Variants in HIRA observed in about 807,000 individuals in gnomAD.
HIRA encodes the protein histone cell cycle regulator.
A neutral mutation model predicts 126.6 loss-of-function variants in HIRA; 13 were observed. The ratio of observed to expected loss-of-function variants is 0.10; its 90% CI spans 0.07 to 0.16. The LOEUF (loss-of-function observed/expected upper bound fraction) is 0.16. HIRA is among the 10% of genes least tolerant of loss of function. HIRA has a pLI of 1.00. For synonymous variants in HIRA, 511 were observed against 520.0 expected (o/e 0.98, Z 0.24); for missense variants, 834 against 1,314.4 (o/e 0.63, Z 5.65).
At chr22:19,414,489 T>G (rs1257336885) in intron 1 of HIRA, among the ~76,000 whole-genome samples, 1 of 152,148 alleles carries the variant, frequency 6.6e-6, no homozygotes, top group African/African-American at 2.4e-5. Flanking sequence ...CCAAAAAGTC[T>G]CTGGGCTTTT....
chr22:19,410,654 G>A (rs1450367318), intron 2 of HIRA, 62 bp downstream of exon 2: 2 of 1,201,390 alleles, frequency 1.7e-6, no homozygotes, highest in African/African-American at 3.0e-5. Flanking sequence ...TAAATGGACA[G>A]CAGGAGAAGA....
At chr22:19,386,952 C>T (rs531163099) in intron 11 of HIRA, among the ~76,000 whole-genome samples, 8 of 152,344 alleles carry the variant, frequency 5.3e-5, no homozygotes, top group Non-Finnish European at 8.8e-5. Flanking sequence ...GAAGCTTCCA[C>T]CAGCAAATAA....
chr22:19,389,179 G>T (rs2089154728), intron 9 of HIRA, among the ~76,000 whole-genome samples: 1 of 152,114 alleles, frequency 6.6e-6, no homozygotes, highest in South Asian at 2.1e-4. Flanking sequence ...ATTCTTCATA[G>T]TTGTGTCTGT....
intron 5 of HIRA, chr22:19,399,185 G>A (rs1289888476): frequency 3.1e-6 from 3 of 983,566 alleles, no homozygotes; most frequent in Non-Finnish European, 3.6e-6. Context: ...TCAGCGCCTG[G>A]TGCAGTGCTA....
At chr22:19,355,032 C>T (rs957097645) in intron 21 of HIRA, among the ~76,000 whole-genome samples, 7 of 152,002 alleles carry the variant, frequency 4.6e-5, no homozygotes, top group African/African-American at 1.2e-4. Flanking sequence ...CCTCCCACAG[C>T]GCTGGGATTA....
intron 8 of HIRA, 143 bp downstream of exon 8, chr22:19,394,199 G>T: frequency 1.0e-6 from 1 of 983,158 alleles, no homozygotes; most frequent in Non-Finnish European, 1.5e-6. Context: ...CACATGTAAA[G>T]TTTGCCAATA....
At chr22:19,331,602 C>T in intron 24 of HIRA, 46 bp from the exon 25 acceptor site, 1 of 1,528,360 alleles carries the variant, frequency 6.5e-7, no homozygotes, top group Non-Finnish European at 8.8e-7. Flanking sequence ...AGTGAAGAGA[C>T]CTAGATTGTG....
rs782096962 is a variant in HIRA at position 19,331,251 on chromosome 22, A to G, written c.*189T>C. ...GGGAGGGATGAGCTTCCCCCTCCTG[A>G]GGCAATGTCAGACCCAGGACACAGG... On this transcript the variant is annotated 3_prime_UTR_variant, in exon 25 of 25. Transcript: ENST00000263208. The G allele has an allele frequency of 1.3e-6, 2 of 1,514,988 alleles. No homozygotes were observed. The highest frequency in any genetic ancestry group is 1.8e-6 in the Non-Finnish European group (2 of 1,132,830). 93.8% of individuals were successfully genotyped at this position (1,514,988 alleles called of 1,614,324 possible).
chr22:19,393,543 A>T (rs1569305535), intron 8 of HIRA, among the ~76,000 whole-genome samples: 1 of 152,004 alleles, frequency 6.6e-6, no homozygotes, highest in Non-Finnish European at 1.5e-5. Context: ...TTTTCAGTAG[A>T]GACGGGGTTT....
rs112073126 is a variant in HIRA, at chr22:19,408,023, T to C, written c.211+460A>G. Among the ~76,000 whole-genome samples, 228 of 152,262 alleles carry C rather than the reference T, an allele frequency of 1.5e-3. 2 individuals carry two copies. Among genetic ancestry groups the C allele is most frequent in the African/African-American group, 5.3e-3 (221 of 41,550 alleles). ...GAAGGAGCTGATGTCCAAAGGCCAG[T>C]GACTGTTCATTAAGCATCTCAGGGG... is the stretch of plus-strand genomic sequence containing the variant. On this transcript the variant is annotated intron_variant, in intron 3 of 24. Transcript: ENST00000263208.
intron 24 of HIRA, among the ~76,000 whole-genome samples, chr22:19,337,519 G>A (rs1556006263): frequency 1.3e-5 from 2 of 151,860 alleles, no homozygotes; most frequent in African/African-American, 4.8e-5. Flanking sequence ...TATGTTAAAT[G>A]GCCAAACCTA....
At chr22:19,335,336 T>A (rs950034018) in intron 24 of HIRA, among the ~76,000 whole-genome samples, 1 of 151,924 alleles carries the variant, frequency 6.6e-6, no homozygotes, top group African/African-American at 2.4e-5. Flanking sequence ...CCTCTGCCTC[T>A]CAGGTTCAAG....
At chr22:19,413,549 CA>C (rs1338692599) in intron 1 of HIRA, among the ~76,000 whole-genome samples, 1 of 152,104 alleles carries the variant, frequency 6.6e-6, no homozygotes, top group Non-Finnish European at 1.5e-5. Context: ...TAGGCCTTTC[CA>C]TCCCAAGGAA....
At chr22:19,386,288 T>TC (rs1461698684) in intron 11 of HIRA, among the ~76,000 whole-genome samples, 1 of 152,076 alleles carries the variant, frequency 6.6e-6, no homozygotes, top group African/African-American at 2.4e-5. Context: ...GTCATCATAC[T>TC]CCCCTCCTTC....
At chr22:19,429,332 T>C (rs2089513256) in intron 1 of HIRA, among the ~76,000 whole-genome samples, 2 of 152,048 alleles carry the variant, frequency 1.3e-5, no homozygotes, top group African/African-American at 2.4e-5. Flanking sequence ...GAGACGGGGT[T>C]TCACCATGTT....
intron 10 of HIRA, among the ~76,000 whole-genome samples, 161 bp downstream of exon 10, chr22:19,388,323 A>G (rs966382573): frequency 6.6e-6 from 1 of 152,266 alleles, no homozygotes; most frequent in African/African-American, 2.4e-5. Context: ...CACCGCTGCC[A>G]GTTCCCAAAT....
rs1286318904 is a variant in HIRA, at chr22:19,431,458, T to G, written c.19A>C (p.Thr7Pro). The change falls in exon 1 of 25, where the codon ACC becomes CCC. Residue 7 changes from threonine to proline, a missense_variant. Thr to Pro is a conservative substitution (Grantham distance 38). Transcript: ENST00000263208. MKLLKP[T>P]WVNHNGKPIF... is the part of the protein sequence containing the mutation. ...CACTCACCATTGTGGTTGACCCAGG[T>G]CGGCTTCAGGAGCTTCATTGTTCGG... is the stretch of plus-strand genomic sequence containing the variant. 1 of 1,607,860 alleles carries G rather than the reference T, an allele frequency of 6.2e-7. No individual in the cohort carries two copies. Among genetic ancestry groups the G allele is most frequent in the Admixed American group, 1.7e-5 (1 of 59,902 alleles).
At chr22:19,373,036 T>A (rs1303669396) in intron 15 of HIRA, among the ~76,000 whole-genome samples, 3 of 152,224 alleles carry the variant, frequency 2.0e-5, no homozygotes, top group Non-Finnish European at 2.9e-5. Flanking sequence ...AAGTCCAATT[T>A]ATCGATTCCT....
intron 15 of HIRA, among the ~76,000 whole-genome samples, chr22:19,363,362 C>G (rs572733356): frequency 5.3e-5 from 8 of 152,318 alleles, no homozygotes; most frequent in Admixed American, 1.3e-4. Context: ...GTCCCAGCTA[C>G]TTGGTAGGCT....
Sources: allele counts gnomAD v4.1 joint callset (sites outside exome capture counted in the v4.1 genomes callset), GRCh38; gene constraint gnomAD v4.1.1; transcripts MANE v1.5; gene names NCBI Gene and HGNC (gene_info 2026-07-23, HGNC 2026-07-21).